The following CREM variants were observed in gnomAD, a reference collection of about 807,000 sequenced individuals.
CREM encodes cAMP-responsive element modulator.
Under a neutral mutation model 37.3 loss-of-function variants are expected in CREM, and 13 were observed. That is an observed-to-expected ratio of 0.35 (90% confidence interval 0.23 to 0.55). The LOEUF is 0.55. Ranked by LOEUF, CREM falls within the 20% of genes least tolerant of loss-of-function variation. The pLI is 0.88. For synonymous variants in CREM, 124 were observed against 120.2 expected (o/e 1.03, Z -0.21); for missense variants, 296 against 362.3 (o/e 0.82, Z 1.49).
intron 3 of CREM, among the ~76,000 whole-genome samples, chr10:35,176,304 C>T (rs190020879): frequency 6.6e-6 from 1 of 152,184 alleles, no homozygotes; most frequent in East Asian, 1.9e-4. Context: ...TAGCAATGCT[C>T]CCCAAGGGTG....
At chr10:35,158,433 A>T in intron 3 of CREM, 1 of 297,504 alleles carries the variant, frequency 3.4e-6, no homozygotes. Flanking sequence ...GCTTAGGCTG[A>T]AATTGAACAG....
intron 3 of CREM, among the ~76,000 whole-genome samples, chr10:35,157,763 G>T (rs1002855399): frequency 6.6e-6 from 1 of 151,778 alleles, no homozygotes; most frequent in Non-Finnish European, 1.5e-5. Flanking sequence ...AAAGGAAGAA[G>T]TCAACTTTTC....
intron 3 of CREM, among the ~76,000 whole-genome samples, chr10:35,163,235 AAAAAT>A (rs1166206523): frequency 4.6e-5 from 7 of 152,152 alleles, no homozygotes; most frequent in African/African-American, 9.7e-5. Context: ...AAAAATAAAA[AAAAAT>A]AGAGAACAAA....
intron 6 of CREM, among the ~76,000 whole-genome samples, chr10:35,203,337 T>C (rs895207226): frequency 2.0e-5 from 3 of 152,180 alleles, no homozygotes; most frequent in Non-Finnish European, 4.4e-5. Context: ...TGAGCCACCA[T>C]GTCTGCCCTT....
At chr10:35,207,501 C>T (rs546252682) in intron 7 of CREM, among the ~76,000 whole-genome samples, 4 of 151,742 alleles carry the variant, frequency 2.6e-5, no homozygotes, top group East Asian at 3.9e-4. Context: ...TTCAGCTGGG[C>T]GCAGTGGCTC....
chr10:35,172,758 G>C (rs768886709), intron 3 of CREM, among the ~76,000 whole-genome samples: 1 of 152,178 alleles, frequency 6.6e-6, no homozygotes, highest in Admixed American at 6.5e-5. Context: ...GGAAAAGCAC[G>C]TGTGTTATTT....
chr10:35,167,253 CTT>C (rs1302800009), intron 3 of CREM, among the ~76,000 whole-genome samples: 3 of 152,206 alleles, frequency 2.0e-5, no homozygotes, highest in African/African-American at 7.2e-5. Context: ...CTAATATTCT[CTT>C]AAATGCTTTT....
intron 3 of CREM, among the ~76,000 whole-genome samples, chr10:35,164,848 G>A (rs755958740): frequency 1.3e-5 from 2 of 152,086 alleles, no homozygotes; most frequent in Non-Finnish European, 2.9e-5. Context: ...TCAGGAGTTC[G>A]AGACGAGCCT....
At chr10:35,206,263 T>A (rs967354337) in intron 6 of CREM, among the ~76,000 whole-genome samples, 1 of 150,068 alleles carries the variant, frequency 6.7e-6, no homozygotes. Flanking sequence ...AAAAAAAATA[T>A]GTGTGTGTAT....
intron 6 of CREM, among the ~76,000 whole-genome samples, chr10:35,198,639 TAGG>T (rs1225545662): frequency 1.3e-5 from 2 of 152,300 alleles, no homozygotes; most frequent in Middle Eastern, 3.4e-3. Context: ...CTGATTCTGT[TAGG>T]AGCATAATTT....
chr10:35,172,684 C>G (rs1422757037), intron 3 of CREM, among the ~76,000 whole-genome samples: 6 of 150,898 alleles, frequency 4.0e-5, no homozygotes, highest in African/African-American at 1.5e-4. Flanking sequence ...ATTCTGTGTC[C>G]TGAAGTGGGA....
intron 2 of CREM, among the ~76,000 whole-genome samples, chr10:35,141,797 G>A (rs140242229): frequency 2.0e-5 from 3 of 152,248 alleles, no homozygotes; most frequent in African/African-American, 4.8e-5. Flanking sequence ...GCAGAGTCCC[G>A]AAGACATGCC....
chr10:35,183,054 T>C (rs1232999534), intron 5 of CREM, among the ~76,000 whole-genome samples: 5 of 152,178 alleles, frequency 3.3e-5, no homozygotes, highest in Admixed American at 1.3e-4. Flanking sequence ...CAAAGGTTAC[T>C]TAAATCCTCC....
intron 3 of CREM, among the ~76,000 whole-genome samples, chr10:35,156,293 G>A (rs1045859205): frequency 1.3e-5 from 2 of 151,684 alleles, no homozygotes; most frequent in African/African-American, 4.8e-5. Flanking sequence ...CTGTCACCCA[G>A]GCTGGAGTGC....
At position 35,126,849 on chromosome 10, in the gene CREM, G is replaced by C. The variant is rs1383262598; in HGVS notation, c.-399G>C. ...CGCCCCTCCCCGGTTCCATTTCATT[G>C]TTGGATTGTGGCGCTTCACTCCTGC... On this transcript the variant is annotated 5_prime_UTR_variant, in exon 1 of 8. Transcript: ENST00000685392. 2 of 152,250 alleles carry C rather than the reference G, an allele frequency of 1.3e-5. No homozygotes were observed. Among genetic ancestry groups the C allele is most frequent in the African/African-American group, 2.4e-5 (1 of 41,434 alleles). 9.4% of individuals were successfully genotyped at this position (152,250 alleles called of 1,614,324 possible). A position where few individuals can be genotyped will look rare whatever the true frequency, so the allele number is the denominator to read the frequency against.
In CREM at chr10:35,166,466, C is replaced by G. The variant is rs563651498; in HGVS notation, c.169-12423C>G. On this transcript the variant is annotated intron_variant, in intron 3 of 7. Transcript: ENST00000685392. The stretch of plus-strand genomic sequence containing the variant: ...ATCCCAGCTACTTGGGAGGCTGAGG[C>G]AGGAGAATCGATTCAACCCAGGAGG... 7.9e-5 allele frequency among the ~76,000 whole-genome samples: 12 copies of G among 151,656 alleles called. No homozygotes were observed. The East Asian group carries it at 2.1e-3, about 27-fold the overall frequency.
At chr10:35,160,350 G>A (rs80144252) in intron 3 of CREM, among the ~76,000 whole-genome samples, 245 of 152,290 alleles carry the variant, frequency 1.6e-3, no homozygotes, top group Middle Eastern at 3.4e-3. Flanking sequence ...GTGTGCCAGC[G>A]AGTGGGCAGT....
intron 3 of CREM, among the ~76,000 whole-genome samples, chr10:35,158,796 GTGTTTTTTTTTTGTTGTTTTGTT>G (rs945544175): frequency 6.4e-5 from 8 of 124,272 alleles, no homozygotes; most frequent in African/African-American, 1.1e-4. Flanking sequence ...AGCAAATATA[GTGTTTTTTTTTTGTTGTTTTGTT>G]TGTTTTTTTT....
chr10:35,208,809 C>T (rs114722613), intron 7 of CREM, among the ~76,000 whole-genome samples: 1 of 152,244 alleles, frequency 6.6e-6, no homozygotes, highest in African/African-American at 2.4e-5. Flanking sequence ...GTCTTTAGTC[C>T]CTAGCTGTAC....
Sources: allele counts gnomAD v4.1 joint callset (sites outside exome capture counted in the v4.1 genomes callset), GRCh38; gene constraint gnomAD v4.1.1; transcripts MANE v1.5; gene names NCBI Gene and HGNC (gene_info 2026-07-23, HGNC 2026-07-21).